Variants in CKAP5 observed in about 807,000 individuals in gnomAD.
CKAP5 encodes the protein cytoskeleton associated protein 5.
Under a neutral mutation model 232.8 loss-of-function variants are expected in CKAP5, and 27 were observed. The ratio of observed to expected loss-of-function variants is 0.12; its 90% CI spans 0.09 to 0.16. The LOEUF (loss-of-function observed/expected upper bound fraction) is 0.16, where lower values mean the gene tolerates loss of function less well. Among genes scored for constraint, CKAP5 ranks in the 10% least tolerant of loss-of-function variants. CKAP5 has a pLI of 1.00. For synonymous variants in CKAP5, 785 were observed against 841.1 expected (o/e 0.93, Z 1.16); for missense variants, 1,838 against 2,424.7 (o/e 0.76, Z 5.08).
In CKAP5 at chr11:46,759,074, C is replaced by T. The variant is rs200133391; in HGVS notation, c.4569-31G>A. 9.4e-4 allele frequency: 1,510 copies of T among 1,609,616 alleles called. 2 individuals carry two copies. Among genetic ancestry groups the T allele is most frequent in the Non-Finnish European group, 1.2e-3 (1,412 of 1,177,896 alleles). On this transcript the variant is annotated intron_variant, in intron 34 of 43. Coordinates refer to ENST00000529230, the MANE Select transcript of CKAP5 (RefSeq NM_001008938.4). ...TAGCAGAACAAAGAGAAAACTTCAA[C>T]CTCTATTACAAGACATCCCAGTCAG...
intron 25 of CKAP5, 44 bp from the exon 26 acceptor site, chr11:46,770,142 GATAAAGT>G: frequency 6.3e-7 from 1 of 1,591,518 alleles, no homozygotes; most frequent in Non-Finnish European, 8.6e-7. Context: ...TCACATAAAT[GATAAAGT>G]CATACAAAGC....
At chr11:46,829,542 C>T (rs1323244648) in intron 1 of CKAP5, among the ~76,000 whole-genome samples, 1 of 152,150 alleles carries the variant, frequency 6.6e-6, no homozygotes, top group Non-Finnish European at 1.5e-5. Context: ...ATTTTTCCTC[C>T]TTCTGATTTT....
chr11:46,761,878 G>T, intron 32 of CKAP5, 122 bp downstream of exon 32: 1 of 689,496 alleles, frequency 1.5e-6, no homozygotes, highest in Non-Finnish European at 2.5e-6. Flanking sequence ...CACATTGATA[G>T]GTTGAGTTGA....
chr11:46,831,438 A>T (rs1412829484), intron 1 of CKAP5, among the ~76,000 whole-genome samples: 6 of 152,202 alleles, frequency 3.9e-5, no homozygotes, highest in African/African-American at 1.4e-4. Context: ...GAAGGAACTG[A>T]GTCTTATTCA....
intron 1 of CKAP5, among the ~76,000 whole-genome samples, chr11:46,843,763 A>ACTAT (rs1940115292): frequency 1.3e-5 from 2 of 151,478 alleles, no homozygotes; most frequent in Non-Finnish European, 2.9e-5. Context: ...GAGAACACAA[A>ACTAT]GATGTAAGTG....
intron 4 of CKAP5, among the ~76,000 whole-genome samples, 185 bp downstream of exon 4, chr11:46,816,013 G>A (rs1460146312): frequency 6.6e-6 from 1 of 152,022 alleles, no homozygotes; most frequent in Non-Finnish European, 1.5e-5. Context: ...ACTGTGAACT[G>A]CACATGTGAG....
intron 1 of CKAP5, among the ~76,000 whole-genome samples, chr11:46,841,032 G>A (rs1488663806): frequency 6.6e-6 from 1 of 152,138 alleles, no homozygotes; most frequent in Non-Finnish European, 1.5e-5. Context: ...ACTTTGGGAG[G>A]CTGAGGCGGG....
chr11:46,785,987 A>C (rs550671523), intron 16 of CKAP5, among the ~76,000 whole-genome samples: 29 of 152,284 alleles, frequency 1.9e-4, no homozygotes, highest in African/African-American at 7.0e-4. Flanking sequence ...TGAAAAAATA[A>C]AAATTTAAAA....
chr11:46,803,255 C>T (rs1233228524), intron 8 of CKAP5, among the ~76,000 whole-genome samples: 1 of 151,904 alleles, frequency 6.6e-6, no homozygotes, highest in African/African-American at 2.4e-5. Context: ...CAGAGCGAGA[C>T]ACTATCTCAG....
chr11:46,822,451 A>C (rs1939555288), intron 1 of CKAP5, among the ~76,000 whole-genome samples: 1 of 152,152 alleles, frequency 6.6e-6, no homozygotes, highest in South Asian at 2.1e-4. Flanking sequence ...AGAATTACTT[A>C]TAGAAAATAA....
In CKAP5 at chr11:46,818,408, T is replaced by C. The variant is rs1430764513; in HGVS notation, c.153A>G (p.Gly51=). Residue 51 remains glycine, a synonymous_variant, in exon 3 of 44, where the codon GGA becomes GGG. Coordinates refer to ENST00000529230, the MANE Select transcript of CKAP5 (RefSeq NM_001008938.4). ...AATCAGTGACAAATTTTTTGATCAATCCTAAAAATTTGGACCACTCTGGGC... is the reference window on the plus strand; with the variant it reads ...AATCAGTGACAAATTTTTTGATCAACCCTAAAAATTTGGACCACTCTGGGC... ...EKSPEWSKFL[G]LIKKFVTDSN... 6.2e-7 allele frequency: 1 copy of C among 1,611,860 alleles called. No individual in the cohort carries two copies. Among genetic ancestry groups the C allele is most frequent in the Non-Finnish European group, 8.5e-7 (1 of 1,179,164 alleles).
intron 24 of CKAP5, among the ~76,000 whole-genome samples, chr11:46,774,778 G>GT (rs1467029619): frequency 6.6e-6 from 1 of 152,160 alleles, no homozygotes; most frequent in African/African-American, 2.4e-5. Context: ...GGGAAAACTG[G>GT]TTAGCCATAT....
Position 46,744,082 on chromosome 11 carries a change from T to TGGA in CKAP5, c.6037_6039dup (p.Ser2013dup), listed in dbSNP as rs765113582. On this transcript the variant is annotated inframe_insertion, in exon 44 of 44. Coordinates refer to ENST00000529230, the MANE Select transcript of CKAP5 (RefSeq NM_001008938.4). ...TTTTTCAAGTCGTCTATGTTAGCTGTGGAGGAGGAGGAGGTCACAGTTCCT... is the reference window on the plus strand; with the variant it reads ...TTTTTCAAGTCGTCTATGTTAGCTGTGGAGGAGGAGGAGGAGGTCACAGTTCCT... 19 of 1,613,708 alleles carry TGGA rather than the reference T, an allele frequency of 1.2e-5. No individual in the cohort carries two copies. Among genetic ancestry groups the TGGA allele is most frequent in the Middle Eastern group, 1.7e-4 (1 of 5,994 alleles).
intron 16 of CKAP5, among the ~76,000 whole-genome samples, chr11:46,784,974 G>A (rs1274679871): frequency 6.6e-6 from 1 of 152,096 alleles, no homozygotes; most frequent in Non-Finnish European, 1.5e-5. Flanking sequence ...CTCCTCTTAT[G>A]ATTATTTGCA....
chr11:46,797,073 T>A, intron 11 of CKAP5, 133 bp from the exon 12 acceptor site: 1 of 976,784 alleles, frequency 1.0e-6, no homozygotes, highest in Non-Finnish European at 1.5e-6. Context: ...TAGCTTTCCT[T>A]GTGCCAATTG....
chr11:46,821,065 AGTATT>A, intron 2 of CKAP5, 105 bp downstream of exon 2: 1 of 632,094 alleles, frequency 1.6e-6, no homozygotes, highest in Non-Finnish European at 2.7e-6. Flanking sequence ...ACAAGGCATC[AGTATT>A]TTTGAAACTG....
chr11:46,767,979 G>A (rs1255348784), intron 26 of CKAP5, among the ~76,000 whole-genome samples: 5 of 151,432 alleles, frequency 3.3e-5, no homozygotes, highest in Admixed American at 6.6e-5. Flanking sequence ...TAATTTTTGT[G>A]GAGACAGGGT....
At chr11:46,750,099 G>A (rs751521700) in intron 42 of CKAP5, among the ~76,000 whole-genome samples, 175 bp downstream of exon 42, 7 of 152,196 alleles carry the variant, frequency 4.6e-5, no homozygotes, top group Non-Finnish European at 1.0e-4. Flanking sequence ...AAATACTGAT[G>A]ATGGGTCAAT....
At chr11:46,814,196 AC>A (rs1199874661) in intron 4 of CKAP5, among the ~76,000 whole-genome samples, 1 of 150,672 alleles carries the variant, frequency 6.6e-6, no homozygotes, top group Non-Finnish European at 1.5e-5. Context: ...CACTAAGGAC[AC>A]AAAAGATTTA....
Sources: allele counts gnomAD v4.1 joint callset (sites outside exome capture counted in the v4.1 genomes callset), GRCh38; gene constraint gnomAD v4.1.1; transcripts MANE v1.5; gene names NCBI Gene and HGNC (gene_info 2026-07-23, HGNC 2026-07-21).